PLEKHA5: variants seen among roughly 807,000 people sequenced by gnomAD.
The protein encoded by PLEKHA5 is pleckstrin homology domain containing A5.
In PLEKHA5, 55 loss-of-function variants were observed where a neutral mutation model predicts 181.9. The observed-to-expected ratio is 0.30, with a 90% CI of 0.24 to 0.38. PLEKHA5 has a LOEUF of 0.38. PLEKHA5 is among the 10% of genes least tolerant of loss of function. The pLI is 1.00. For missense variants in PLEKHA5, 1,432 were observed against 1,549.5 expected, an observed-to-expected ratio of 0.92 and a Z score of 1.27; for synonymous variants, 535 against 529.4, an observed-to-expected ratio of 1.01 and a Z score of -0.15.
At chr12:19,244,283 C>T (rs1176841783) in intron 3 of PLEKHA5, among the ~76,000 whole-genome samples, 1 of 151,276 alleles carries the variant, frequency 6.6e-6, no homozygotes, top group African/African-American at 2.4e-5. Context: ...CTAAGGCCAA[C>T]TTAAGAAGCT....
intron 3 of PLEKHA5, among the ~76,000 whole-genome samples, chr12:19,196,806 T>C (rs897660701): frequency 1.5e-5 from 1 of 66,988 alleles, no homozygotes; most frequent in Middle Eastern, 0.01. Context: ...TTTTTCTTTT[T>C]TTTTTCTTTT....
rs570097646 is a variant in PLEKHA5, at chr12:19,246,223, C to T, written c.228-7717C>T. Among the ~76,000 whole-genome samples the T allele has an allele frequency of 3.1e-3, 470 of 151,928 alleles. 2 individuals carry two copies. Among genetic ancestry groups the T allele is most frequent in the Admixed American group, 5.4e-3 (82 of 15,282 alleles). The stretch of plus-strand genomic sequence containing the variant: ...TCGAACTCTTGACCTCGTGATCCAC[C>T]CGCCTTGGCCTCCCAAAGTGCTGGG... On this transcript the variant is annotated intron_variant, in intron 3 of 31. Transcript: ENST00000429027.
chr12:19,261,167 A>T, intron 7 of PLEKHA5, 146 bp downstream of exon 7: 1 of 492,898 alleles, frequency 2.0e-6, no homozygotes, highest in Non-Finnish European at 3.7e-6. Context: ...CTCCTTTGAC[A>T]TATCATTCTG....
chr12:19,305,558 CA>C (rs35582080), intron 15 of PLEKHA5, among the ~76,000 whole-genome samples: 92,444 of 117,388 alleles, frequency 0.79, 35,372 homozygotes, highest in Non-Finnish European at 0.86. Flanking sequence ...GACTGTGTCT[CA>C]AAAAAAAAAA....
intron 3 of PLEKHA5, among the ~76,000 whole-genome samples, chr12:19,136,421 A>G (rs1384239263): frequency 6.6e-6 from 1 of 152,216 alleles, no homozygotes; most frequent in Non-Finnish European, 1.5e-5. Context: ...GTGTGGCTTT[A>G]AATATTCCGT....
At chr12:19,215,999 A>G (rs1197797513) in intron 3 of PLEKHA5, among the ~76,000 whole-genome samples, 1 of 152,218 alleles carries the variant, frequency 6.6e-6, no homozygotes, top group Non-Finnish European at 1.5e-5. Flanking sequence ...AAGTAAAGAA[A>G]ATCACAAAAT....
chr12:19,352,025 G>A (rs896017920), intron 25 of PLEKHA5, among the ~76,000 whole-genome samples: 28 of 146,516 alleles, frequency 1.9e-4, no homozygotes, highest in Admixed American at 3.5e-4. Flanking sequence ...ACAGTGAGCC[G>A]AGATCACGCC....
At chr12:19,313,992 TTACA>T (rs1271193785) in intron 15 of PLEKHA5, among the ~76,000 whole-genome samples, 2 of 152,140 alleles carry the variant, frequency 1.3e-5, no homozygotes, top group Non-Finnish European at 2.9e-5. Context: ...AAATTAAGCG[TTACA>T]AATTACCATT....
chr12:19,291,375 G>A (rs2078401019), intron 14 of PLEKHA5, among the ~76,000 whole-genome samples: 1 of 152,150 alleles, frequency 6.6e-6, no homozygotes, highest in Non-Finnish European at 1.5e-5. Context: ...CTAACAGTCA[G>A]TTTGCTAAAG....
intron 21 of PLEKHA5, among the ~76,000 whole-genome samples, chr12:19,337,715 A>G (rs2093561086): frequency 6.6e-6 from 1 of 152,072 alleles, no homozygotes; most frequent in South Asian, 2.1e-4. Flanking sequence ...CAGACAGATC[A>G]ATACAATGAA....
chr12:19,270,122 C>T, intron 9 of PLEKHA5, 66 bp from the exon 10 acceptor site: 1 of 934,668 alleles, frequency 1.1e-6, no homozygotes, highest in South Asian at 1.8e-5. Context: ...TTCATTTTCA[C>T]CTATCGGTGT....
At chr12:19,221,526 A>G (rs924218350) in intron 3 of PLEKHA5, among the ~76,000 whole-genome samples, 20 of 152,220 alleles carry the variant, frequency 1.3e-4, no homozygotes, top group Middle Eastern at 3.4e-3. Context: ...TGGTGGTGAA[A>G]CTATTCCGTA....
intron 3 of PLEKHA5, among the ~76,000 whole-genome samples, chr12:19,164,892 C>T (rs1320408233): frequency 6.6e-6 from 1 of 152,086 alleles, no homozygotes; most frequent in Non-Finnish European, 1.5e-5. Flanking sequence ...ACAGACTTAT[C>T]AATTGAAGAT....
At chr12:19,313,656 A>C (rs907036011) in intron 15 of PLEKHA5, among the ~76,000 whole-genome samples, 1 of 152,110 alleles carries the variant, frequency 6.6e-6, no homozygotes, top group Non-Finnish European at 1.5e-5. Context: ...AGATTTAAAA[A>C]TAAATGGTCT....
rs2033173425 is a variant in PLEKHA5 at position 19,130,317 on chromosome 12, C to T, written c.169+187C>T. Among the ~76,000 whole-genome samples, 1 of 151,898 alleles carries T rather than the reference C, an allele frequency of 6.6e-6. No homozygotes were observed. The highest frequency in any genetic ancestry group is 1.9e-4 in the East Asian group (1 of 5,130). ...TCCGCCGCCGGGAGTTCTCTCCAGT[C>T]TCGGGGCGCCTCTTTCTCCTCAGCC... On this transcript the variant is annotated intron_variant, in intron 2 of 31. Coordinates refer to ENST00000429027, the MANE Select transcript of PLEKHA5 (RefSeq NM_001256470.2). The surrounding 1 kb of genome is among the most constrained non-coding windows in gnomAD (Gnocchi z 4.5).
intron 3 of PLEKHA5, among the ~76,000 whole-genome samples, chr12:19,242,097 A>T (rs1174460607): frequency 6.6e-6 from 1 of 152,220 alleles, no homozygotes; most frequent in South Asian, 2.1e-4. Context: ...TCTAAAATGT[A>T]ACTCTGCTGT....
chr12:19,306,628 A>T, intron 15 of PLEKHA5: 1 of 1,086,538 alleles, frequency 9.2e-7, no homozygotes, highest in Non-Finnish European at 1.4e-6. Context: ...GCGGCGGTGG[A>T]GGCGGCGGCA....
chr12:19,230,671 TGCC>T (rs1188520123), intron 3 of PLEKHA5, among the ~76,000 whole-genome samples: 3 of 152,154 alleles, frequency 2.0e-5, no homozygotes, highest in Non-Finnish European at 2.9e-5. Context: ...GCGGAGCCTG[TGCC>T]CACCTGAAAC....
chr12:19,250,055 A>G (rs11044463), intron 3 of PLEKHA5, among the ~76,000 whole-genome samples: 82,441 of 151,908 alleles, frequency 0.54, 26,077 homozygotes, highest in Non-Finnish European at 0.72. Flanking sequence ...CACCAGTAAC[A>G]TTTCCCCAGT....
Sources: gnomAD v4.1 joint callset for allele counts (sites outside exome capture counted in the v4.1 genomes callset) on GRCh38, gnomAD v4.1.1 for gene constraint, Gnocchi (gnomAD v3.1) non-coding constraint, MANE v1.5 for transcripts, NCBI Gene and HGNC (gene_info 2026-07-23, HGNC 2026-07-21) for gene names.